TMCC1: variants seen among roughly 807,000 people sequenced by gnomAD.
TMCC1 encodes transmembrane and coiled-coil domain family 1.
TMCC1 carries 15 observed loss-of-function variants against 52.4 expected under a neutral mutation model. The observed-to-expected ratio is 0.29, with a 90% CI of 0.19 to 0.44. The LOEUF is 0.44. Ranked by LOEUF, TMCC1 falls within the 20% of genes least tolerant of loss-of-function variation. TMCC1 has a pLI of 1.00. For missense variants in TMCC1, 503 were observed against 806.0 expected (o/e 0.62, Z 4.55); for synonymous variants, 279 against 301.9 (o/e 0.92, Z 0.79).
chr3:129,753,200 A>AT (rs1237645726), intron 4 of TMCC1, among the ~76,000 whole-genome samples: 1 of 152,176 alleles, frequency 6.6e-6, no homozygotes, highest in Non-Finnish European at 1.5e-5. Context: ...ATCATCTCAC[A>AT]TTTTTTGTCC....
At chr3:129,658,300 G>A (rs1446770286) in intron 5 of TMCC1, among the ~76,000 whole-genome samples, 2 of 152,170 alleles carry the variant, frequency 1.3e-5, no homozygotes, top group African/African-American at 4.8e-5. Context: ...CCTTCCTACT[G>A]CAGAAACAGT....
chr3:129,731,855 G>C (rs767062516), intron 4 of TMCC1, among the ~76,000 whole-genome samples: 1 of 151,822 alleles, frequency 6.6e-6, no homozygotes, highest in Non-Finnish European at 1.5e-5. Context: ...GAACTCCTGA[G>C]CTTAAACGAT....
rs145830745 is a variant in TMCC1, at chr3:129,747,779, T to C, written c.577-76515A>G. The stretch of plus-strand genomic sequence containing the variant: ...TGAATCCGACCCCTTATCATCACGC[T>C]GTACAGCTGCACAGACCCATTCCTT... On this transcript the variant is annotated intron_variant, in intron 4 of 6. Transcript: ENST00000393238. Among the ~76,000 whole-genome samples, 4 of 152,274 alleles carry C rather than the reference T, an allele frequency of 2.6e-5. No individual in the cohort carries two copies. The East Asian group carries it at 7.7e-4, about 29-fold the overall frequency.
chr3:129,795,922 C>T (rs2056792696), intron 4 of TMCC1, among the ~76,000 whole-genome samples: 2 of 152,146 alleles, frequency 1.3e-5, no homozygotes, highest in African/African-American at 4.8e-5. Context: ...ATAATGGTCA[C>T]AAAGCACAAG....
intron 5 of TMCC1, among the ~76,000 whole-genome samples, chr3:129,668,904 C>T (rs2087687160): frequency 6.6e-6 from 1 of 152,174 alleles, no homozygotes; most frequent in Admixed American, 6.5e-5. Flanking sequence ...GGATTACAGG[C>T]GTGAGCCACT....
chr3:129,865,433 G>A (rs985299666), intron 2 of TMCC1, among the ~76,000 whole-genome samples: 8 of 151,954 alleles, frequency 5.3e-5, no homozygotes, highest in Non-Finnish European at 8.8e-5. Context: ...TTACAGGCGT[G>A]AGCCACCACT....
Position 129,827,886 on chromosome 3 carries a change from T to C in TMCC1, c.493A>G (p.Ser165Gly), listed in dbSNP as rs784689. The C allele has an allele frequency of 0.99, 1,604,203 of 1,614,080 alleles. 797,645 individuals carry two copies. Among genetic ancestry groups the C allele is most frequent in the Non-Finnish European group, 1 (1,179,741 of 1,180,028 alleles). ...CAAGCTATTTCCATCATAGCAGAGC[T>C]GGTAGGTGCATCAGTTGTGGATGAA... The part of the protein sequence containing the change: ...RSSSTTDAPT[S>G]SAMMEIACAA... Residue 165 changes from serine to glycine, a missense_variant, in exon 4 of 7, where the codon AGC becomes GGC. Around this residue, in one of 7 missense-constraint regions of TMCC1, gnomAD observed 217 missense variants for 297.9 expected, o/e 0.73. Coordinates refer to ENST00000393238, the MANE Select transcript of TMCC1 (RefSeq NM_001017395.5).
intron 4 of TMCC1, among the ~76,000 whole-genome samples, chr3:129,672,872 CT>C (rs1433936664): frequency 1.3e-5 from 2 of 152,118 alleles, no homozygotes; most frequent in Non-Finnish European, 1.5e-5. Context: ...ATAACATCTT[CT>C]TTTTTTCATC....
At chr3:129,737,191 G>A (rs1210710090) in intron 4 of TMCC1, among the ~76,000 whole-genome samples, 3 of 152,196 alleles carry the variant, frequency 2.0e-5, no homozygotes, top group African/African-American at 7.2e-5. Context: ...GGGGGGCCGG[G>A]CGTGGTGGCT....
intron 2 of TMCC1, among the ~76,000 whole-genome samples, chr3:129,845,334 A>C (rs141793385): frequency 6.6e-6 from 1 of 152,312 alleles, no homozygotes; most frequent in East Asian, 1.9e-4. Context: ...AGAAGAAAAA[A>C]AGGAGGAAAG....
intron 4 of TMCC1, among the ~76,000 whole-genome samples, chr3:129,768,063 T>C (rs1576765020): frequency 6.6e-6 from 1 of 152,082 alleles, no homozygotes; most frequent in East Asian, 1.9e-4. Context: ...GTGGTATGCA[T>C]CTGTAGTCTC....
chr3:129,802,087 C>T (rs2057229891), intron 4 of TMCC1, among the ~76,000 whole-genome samples: 2 of 152,114 alleles, frequency 1.3e-5, no homozygotes, highest in Admixed American at 1.3e-4. Context: ...TTTGTGAATG[C>T]CAGGAAAACC....
chr3:129,816,597 A>C (rs2058109058), intron 4 of TMCC1, among the ~76,000 whole-genome samples: 2 of 152,166 alleles, frequency 1.3e-5, no homozygotes, highest in Admixed American at 6.6e-5. Flanking sequence ...AGGGAGAGGG[A>C]GGGAAGGAGA....
chr3:129,806,285 T>A (rs992532500), intron 4 of TMCC1, among the ~76,000 whole-genome samples: 3 of 152,120 alleles, frequency 2.0e-5, no homozygotes, highest in African/African-American at 7.2e-5. Context: ...GAGACAGCAA[T>A]AGATAAAAGA....
intron 4 of TMCC1, among the ~76,000 whole-genome samples, chr3:129,717,880 A>C (rs1181734014): frequency 6.6e-6 from 1 of 152,190 alleles, no homozygotes; most frequent in African/African-American, 2.4e-5. Flanking sequence ...TAAAAACCTA[A>C]GTCAAATCAC....
chr3:129,741,672 T>C (rs893594562), intron 4 of TMCC1, among the ~76,000 whole-genome samples: 11 of 152,196 alleles, frequency 7.2e-5, no homozygotes, highest in African/African-American at 2.7e-4. Context: ...TGCTTTCTGT[T>C]GGCTTTATCT....
chr3:129,653,642 C>G (rs1217703944), intron 6 of TMCC1, among the ~76,000 whole-genome samples: 1 of 152,102 alleles, frequency 6.6e-6, no homozygotes, highest in Non-Finnish European at 1.5e-5. Context: ...TGGGGTTTCA[C>G]CGTGTTAGGA....
At chr3:129,655,556 G>A (rs562365159) in intron 5 of TMCC1, among the ~76,000 whole-genome samples, 12 of 152,222 alleles carry the variant, frequency 7.9e-5, no homozygotes, top group African/African-American at 2.2e-4. Flanking sequence ...GGATGTTTGC[G>A]ATTCAGAGCC....
At chr3:129,764,782 T>C (rs1331822174) in intron 4 of TMCC1, among the ~76,000 whole-genome samples, 1 of 76,160 alleles carries the variant, frequency 1.3e-5, no homozygotes, top group Non-Finnish European at 2.2e-5. Flanking sequence ...TATATATATA[T>C]ATATATATTT....
Sources: gnomAD v4.1 joint callset for allele counts (sites outside exome capture counted in the v4.1 genomes callset) on GRCh38, gnomAD v4.1.1 for gene constraint, gnomAD v4.1.1 regional missense constraint, MANE v1.5 for transcripts, NCBI Gene and HGNC (gene_info 2026-07-23, HGNC 2026-07-21) for gene names.